Variants in RANBP17 observed in about 807,000 individuals in gnomAD.
The protein encoded by RANBP17 is RAN binding protein 17.
Under a neutral mutation model 141.2 loss-of-function variants are expected in RANBP17, and 158 were observed. The observed-to-expected ratio is 1.12, with a 90% CI of 0.98 to 1.28. The LOEUF (loss-of-function observed/expected upper bound fraction) is 1.28, where lower values mean the gene tolerates loss of function less well. Among genes scored for constraint, RANBP17 ranks in the 50% most tolerant of loss-of-function variants. RANBP17 has a pLI of 0.00. For missense variants in RANBP17, 1,438 were observed against 1,290.7 expected (o/e 1.11, Z -1.75); for synonymous variants, 430 against 450.0 (o/e 0.96, Z 0.56).
intron 25 of RANBP17, among the ~76,000 whole-genome samples, chr5:171,269,271 T>C (rs887886814): frequency 1.3e-5 from 2 of 152,202 alleles, no homozygotes; most frequent in Non-Finnish European, 2.9e-5. Context: ...CTCTTTTGAA[T>C]TGATTTGAAA....
intron 14 of RANBP17, among the ~76,000 whole-genome samples, chr5:171,079,632 C>G (rs960558196): frequency 1.3e-5 from 2 of 152,172 alleles, no homozygotes; most frequent in Non-Finnish European, 2.9e-5. Context: ...AGGCCAGACC[C>G]TCTGCCAGCA....
At chr5:171,041,907 C>T (rs572762794) in intron 14 of RANBP17, among the ~76,000 whole-genome samples, 7 of 152,018 alleles carry the variant, frequency 4.6e-5, no homozygotes, top group East Asian at 1.9e-4. Flanking sequence ...ACTGCACCCC[C>T]GACAGGCCCT....
rs566315372 is a variant in RANBP17 at position 171,183,170 on chromosome 5, T to C, written c.1869T>C (p.Tyr623=). ...TAGATTCCTTAACTTCTATTACTTATATCCTTTTAAAAAAACTTGTGAAGA... is the reference window on the plus strand; with the variant it reads ...TAGATTCCTTAACTTCTATTACTTACATCCTTTTAAAAAAACTTGTGAAGA... ...LQFLNDLSVG[Y]ILLKKLVKID... is the part of the protein sequence containing the mutation. Residue 623 remains tyrosine, a synonymous_variant, in exon 17 of 28, where the codon TAT becomes TAC. Transcript: ENST00000523189. The C allele has an allele frequency of 1.7e-5, 26 of 1,495,366 alleles. No homozygotes were observed. The highest frequency in any genetic ancestry group is 5.5e-5 in the African/African-American group (4 of 72,694). 92.6% of individuals were successfully genotyped at this position (1,495,366 alleles called of 1,614,324 possible). A position where few individuals can be genotyped will look rare whatever the true frequency, so the allele number is the denominator to read the frequency against.
At chr5:171,098,584 G>T in intron 14 of RANBP17, among the ~76,000 whole-genome samples, 1 of 152,078 alleles carries the variant, frequency 6.6e-6, no homozygotes, top group East Asian at 1.9e-4. Context: ...CCATTCTGTA[G>T]GTTGCCTGTT....
At chr5:170,907,187 GT>G in intron 5 of RANBP17, among the ~76,000 whole-genome samples, 1 of 151,882 alleles carries the variant, frequency 6.6e-6, no homozygotes, top group Non-Finnish European at 1.5e-5. Flanking sequence ...TTATCCTGCT[GT>G]TTTAGAAGCT....
intron 3 of RANBP17, among the ~76,000 whole-genome samples, chr5:170,887,700 T>C (rs962486206): frequency 1.3e-5 from 2 of 152,214 alleles, no homozygotes; most frequent in Non-Finnish European, 2.9e-5. Flanking sequence ...TGTCACAGAA[T>C]AGCTGAGACT....
intron 14 of RANBP17, among the ~76,000 whole-genome samples, chr5:171,133,605 AT>A (rs1250891890): frequency 6.6e-6 from 1 of 152,196 alleles, no homozygotes; most frequent in Non-Finnish European, 1.5e-5. Flanking sequence ...TTTTTGCAGA[AT>A]TTTCATAAAT....
At chr5:171,089,952 G>C (rs1266457290) in intron 14 of RANBP17, among the ~76,000 whole-genome samples, 1 of 152,198 alleles carries the variant, frequency 6.6e-6, no homozygotes, top group Non-Finnish European at 1.5e-5. Context: ...GTAGACCGGA[G>C]CTGTTCCTGT....
chr5:171,288,722 CA>C (rs1221449560), intron 25 of RANBP17, among the ~76,000 whole-genome samples: 4 of 152,192 alleles, frequency 2.6e-5, no homozygotes, highest in Non-Finnish European at 5.9e-5. Flanking sequence ...GAAGATGCTC[CA>C]TAAATGAGGG....
At chr5:171,287,567 C>G (rs773157170) in intron 25 of RANBP17, among the ~76,000 whole-genome samples, 21 of 151,034 alleles carry the variant, frequency 1.4e-4, no homozygotes, top group Non-Finnish European at 2.7e-4. Flanking sequence ...CAGCTCTGAT[C>G]ATCCTTTTTT....
intron 15 of RANBP17, among the ~76,000 whole-genome samples, chr5:171,170,422 A>G (rs1206986118): frequency 6.6e-6 from 1 of 152,148 alleles, no homozygotes; most frequent in African/African-American, 2.4e-5. Flanking sequence ...TTTCCATACA[A>G]CGGCAGCGTG....
At chr5:170,868,161 GAAT>G (rs1322677141) in intron 1 of RANBP17, among the ~76,000 whole-genome samples, 3 of 152,178 alleles carry the variant, frequency 2.0e-5, no homozygotes, top group African/African-American at 7.2e-5. Context: ...AATAAGTCCA[GAAT>G]AATTTGGAAG....
chr5:171,088,131 C>T (rs1785842828), intron 14 of RANBP17, among the ~76,000 whole-genome samples: 1 of 151,724 alleles, frequency 6.6e-6, no homozygotes, highest in Admixed American at 6.6e-5. Flanking sequence ...TTTAGTGCTT[C>T]CTTCAGGAGC....
At chr5:171,242,896 T>A in intron 24 of RANBP17, 76 bp downstream of exon 24, 1 of 1,340,204 alleles carries the variant, frequency 7.5e-7, no homozygotes, top group Non-Finnish European at 1.1e-6. Flanking sequence ...TTATTGAGAC[T>A]ATCATCCTAC....
chr5:170,889,989 AT>A (rs944889938), intron 3 of RANBP17, among the ~76,000 whole-genome samples: 2 of 151,874 alleles, frequency 1.3e-5, no homozygotes, highest in African/African-American at 2.4e-5. Context: ...TATTCTAGTG[AT>A]TTTTTTTCCC....
chr5:171,021,996 A>G (rs10475973), intron 14 of RANBP17, among the ~76,000 whole-genome samples: 92,925 of 151,778 alleles, frequency 0.61, 29,781 homozygotes, highest in South Asian at 0.88. Context: ...CTGTTGTTGC[A>G]TTGTTTGTTT....
In RANBP17 at chr5:171,253,420, C is replaced by T. The variant is rs549591602; in HGVS notation, c.2776+10600C>T. 3.3e-5 allele frequency among the ~76,000 whole-genome samples: 5 copies of T among 152,248 alleles called. No individual in the cohort carries two copies. In the East Asian group the frequency reaches 9.6e-4, roughly 29 times the overall value. ...GGTTCAGTATGTATAGAAGCATATT[C>T]AGTGGTCTTTTCAAGAGTAAACCAG... On this transcript the variant is annotated intron_variant, in intron 24 of 27. Transcript: ENST00000523189.
intron 14 of RANBP17, among the ~76,000 whole-genome samples, chr5:170,983,817 C>A (rs1293558431): frequency 1.3e-5 from 2 of 152,028 alleles, no homozygotes; most frequent in Admixed American, 1.3e-4. Context: ...TGTATTTAAC[C>A]CAGATTTTGG....
chr5:170,950,921 G>A (rs1775160664), intron 12 of RANBP17, among the ~76,000 whole-genome samples: 1 of 152,078 alleles, frequency 6.6e-6, no homozygotes, highest in South Asian at 2.1e-4. Context: ...CGTGTCATTT[G>A]CAGCAACATA....
Sources: allele counts gnomAD v4.1 joint callset (sites outside exome capture counted in the v4.1 genomes callset), GRCh38; gene constraint gnomAD v4.1.1; transcripts MANE v1.5; gene names NCBI Gene and HGNC (gene_info 2026-07-23, HGNC 2026-07-21).